The following PCDH7 variants were observed in gnomAD, a reference collection of about 807,000 sequenced individuals.
PCDH7 encodes the protein protocadherin-7.
PCDH7 carries 17 observed loss-of-function variants against 58.9 expected under a neutral mutation model. The ratio of observed to expected loss-of-function variants is 0.29; its 90% confidence interval spans 0.20 to 0.43. The LOEUF (loss-of-function observed/expected upper bound fraction) is 0.43. PCDH7 is among the 20% of genes least tolerant of loss of function. The pLI is 1.00. For missense variants in PCDH7, 1,274 were observed against 1,441.0 expected (o/e 0.88, Z 1.88); for synonymous variants, 664 against 616.4 (o/e 1.08, Z -1.14).
At chr4:30,832,065 T>C (rs1029890001) in intron 1 of PCDH7, among the ~76,000 whole-genome samples, 2 of 152,132 alleles carry the variant, frequency 1.3e-5, no homozygotes, top group African/African-American at 4.8e-5. Flanking sequence ...CATGACTCAA[T>C]GAGATTTGTT....
chr4:30,859,750 C>A (rs753963996), intron 1 of PCDH7, among the ~76,000 whole-genome samples: 3 of 151,980 alleles, frequency 2.0e-5, no homozygotes, highest in Non-Finnish European at 2.9e-5. Flanking sequence ...AGCTCTGATT[C>A]TTTAGAAGGC....
At chr4:30,950,948 C>T (rs917200639) in intron 3 of PCDH7, among the ~76,000 whole-genome samples, 13 of 152,134 alleles carry the variant, frequency 8.5e-5, no homozygotes, top group Non-Finnish European at 4.4e-5. Flanking sequence ...ACTCAGTCAT[C>T]ACCAGGAAGC....
intron 1 of PCDH7, among the ~76,000 whole-genome samples, chr4:30,754,610 A>T (rs1279867728): frequency 2.0e-5 from 3 of 152,186 alleles, no homozygotes; most frequent in Non-Finnish European, 4.4e-5. Context: ...AGGTCACACA[A>T]TAATACTATT....
At chr4:31,042,312 G>A (rs1040849884) in intron 3 of PCDH7, among the ~76,000 whole-genome samples, 1 of 152,090 alleles carries the variant, frequency 6.6e-6, no homozygotes, top group Non-Finnish European at 1.5e-5. Flanking sequence ...AGATACTCTT[G>A]TTATAAAGAA....
At chr4:30,951,067 G>A (rs1273210517) in intron 3 of PCDH7, among the ~76,000 whole-genome samples, 1 of 152,122 alleles carries the variant, frequency 6.6e-6, no homozygotes, top group Non-Finnish European at 1.5e-5. Context: ...ACTCTCTCAG[G>A]TTCTTTGAGA....
intron 1 of PCDH7, among the ~76,000 whole-genome samples, chr4:30,802,604 T>C (rs975633226): frequency 3.9e-5 from 6 of 151,900 alleles, no homozygotes; most frequent in Non-Finnish European, 5.9e-5. Flanking sequence ...TGAATAAAGA[T>C]GCAGATAAAT....
chr4:30,871,499 A>G (rs989406786), intron 1 of PCDH7, among the ~76,000 whole-genome samples: 1 of 152,044 alleles, frequency 6.6e-6, no homozygotes, highest in Non-Finnish European at 1.5e-5. Context: ...GACTAAGCCA[A>G]TGGGGGCAGG....
At chr4:30,757,628 T>A (rs543083745) in intron 1 of PCDH7, among the ~76,000 whole-genome samples, 57 of 152,200 alleles carry the variant, frequency 3.7e-4, no homozygotes, top group Non-Finnish European at 6.8e-4. Flanking sequence ...TCAGCTCAAA[T>A]GTCACTTCCT....
intron 3 of PCDH7, among the ~76,000 whole-genome samples, chr4:30,993,931 G>A (rs1172020821): frequency 2.0e-5 from 3 of 152,084 alleles, no homozygotes; most frequent in Non-Finnish European, 4.4e-5. Context: ...AAATGTGTAA[G>A]TCTGGAGACC....
intron 3 of PCDH7, among the ~76,000 whole-genome samples, chr4:31,096,142 C>T (rs758036289): frequency 4.6e-5 from 7 of 152,094 alleles, no homozygotes; most frequent in Non-Finnish European, 7.4e-5. Context: ...AAGATGCCCC[C>T]TAGGCCCCAA....
chr4:31,083,164 A>T, intron 3 of PCDH7, among the ~76,000 whole-genome samples: 1 of 152,016 alleles, frequency 6.6e-6, no homozygotes, highest in East Asian at 1.9e-4. Context: ...AATGTACACT[A>T]CTCAGGGGGC....
At chr4:30,769,848 G>A (rs1381125137) in intron 1 of PCDH7, among the ~76,000 whole-genome samples, 1 of 152,138 alleles carries the variant, frequency 6.6e-6, no homozygotes, top group Non-Finnish European at 1.5e-5. Flanking sequence ...ATTCAGATGT[G>A]CCATCCTGCA....
intron 1 of PCDH7, among the ~76,000 whole-genome samples, chr4:30,850,787 G>C (rs576347924): frequency 6.6e-6 from 1 of 152,002 alleles, no homozygotes; most frequent in Admixed American, 6.6e-5. Context: ...CAGACCTTGC[G>C]TTTTTGGTTA....
chr4:30,760,254 G>A (rs1211832555), intron 1 of PCDH7, among the ~76,000 whole-genome samples: 2 of 152,102 alleles, frequency 1.3e-5, no homozygotes, highest in Non-Finnish European at 2.9e-5. Context: ...GAGGAGCAGG[G>A]GAAGGCAGTC....
At chr4:31,144,950 AT>A (rs1433814608), downstream of PCDH7, 1 of 152,162 alleles carries the variant, frequency 6.6e-6, no homozygotes, top group East Asian at 1.9e-4. Flanking sequence ...GTAAGTACCT[AT>A]TAAGACAAAA....
rs1400132854 is a variant in PCDH7 at position 30,955,505 on chromosome 4, TATTTTATTTTATTTTATTTC to T, written c.*7+5305_*7+5324del. On this transcript the variant is annotated intron_variant, in intron 3 of 3. Transcript: ENST00000509759. Reference sequence around the variant, plus strand: ...TTTATTTTATTTTATTATTGTATTTTATTTTATTTTATTTTATTTCATTTTATTTTATTTCATTTTATTTT... The same window carrying T: ...TTTATTTTATTTTATTATTGTATTTTATTTTATTTTATTTCATTTTATTTT... Among the ~76,000 whole-genome samples, 24 of 57,008 alleles carry T rather than the reference TATTTTATTTTATTTTATTTC, an allele frequency of 4.2e-4. No individual in the cohort carries two copies. In the African/African-American group the frequency reaches 4.4e-3, roughly 10 times the overall value. The allele number at this position is 57,008 out of a possible 152,430, so 37.4% of individuals were successfully genotyped here.
intron 3 of PCDH7, among the ~76,000 whole-genome samples, chr4:31,055,712 G>A (rs928645179): frequency 6.6e-6 from 1 of 151,966 alleles, no homozygotes; most frequent in Admixed American, 6.6e-5. Context: ...AAGTATCTGG[G>A]ACTACAGGTG....
At chr4:30,977,547 T>A (rs937543189) in intron 3 of PCDH7, among the ~76,000 whole-genome samples, 12 of 152,210 alleles carry the variant, frequency 7.9e-5, no homozygotes, top group African/African-American at 2.9e-4. Flanking sequence ...GCCTCCCATC[T>A]CTAGGAGGAA....
rs184785377 is a variant in PCDH7 at position 30,774,039 on chromosome 4, C to T, written c.70+49443C>T. ...CTCCCATGTAGTTTTGCTTCAGTTA[C>T]GCTTTTTCAGCATTTTCTTTGCTCA... is the stretch of plus-strand genomic sequence containing the variant. On this transcript the variant is annotated intron_variant, in intron 1 of 3. Coordinates refer to the PCDH7 transcript ENST00000509759. Among the ~76,000 whole-genome samples the T allele has an allele frequency of 2.2e-4, 33 of 152,268 alleles. No homozygotes were observed. In the South Asian group the frequency reaches 2.5e-3, roughly 11 times the overall value.
Sources: gnomAD v4.1 joint callset for allele counts (sites outside exome capture counted in the v4.1 genomes callset) on GRCh38, gnomAD v4.1.1 for gene constraint, MANE v1.5 for transcripts, NCBI Gene and HGNC (gene_info 2026-07-23, HGNC 2026-07-21) for gene names.